RNLS: variants seen among roughly 807,000 people sequenced by gnomAD.
RNLS encodes the protein renalase, FAD dependent amine oxidase.
RNLS carries 39 observed loss-of-function variants against 39.8 expected under a neutral mutation model. That is an observed-to-expected ratio of 0.98 (90% CI 0.76 to 1.28). The LOEUF (loss-of-function observed/expected upper bound fraction) is 1.28. RNLS is among the 50% of genes most tolerant of loss of function. The pLI is 0.00. For missense variants in RNLS, 410 were observed against 413.3 expected, an observed-to-expected ratio of 0.99 and a Z score of 0.07; for synonymous variants, 147 against 150.7, an observed-to-expected ratio of 0.98 and a Z score of 0.18.
At chr10:88,409,683 TG>T (rs1249471025) in intron 4 of RNLS, among the ~76,000 whole-genome samples, 1 of 152,118 alleles carries the variant, frequency 6.6e-6, no homozygotes, top group Non-Finnish European at 1.5e-5. Context: ...TAAACATACA[TG>T]GTGGTGAGTA....
chr10:88,437,061 C>T (rs1359542852), intron 4 of RNLS, among the ~76,000 whole-genome samples: 3 of 152,206 alleles, frequency 2.0e-5, no homozygotes, highest in African/African-American at 7.2e-5. Flanking sequence ...TACTAAACAA[C>T]TTCATGAACA....
At chr10:88,553,419 T>C (rs1271879643) in intron 4 of RNLS, among the ~76,000 whole-genome samples, 3 of 152,132 alleles carry the variant, frequency 2.0e-5, no homozygotes, top group Non-Finnish European at 4.4e-5. Context: ...TTGGCCTCAA[T>C]AGAAGGTTGA....
chr10:88,177,028 T>G, the RNLS span, among the ~76,000 whole-genome samples: 1 of 152,246 alleles, frequency 6.6e-6, no homozygotes, highest in Non-Finnish European at 1.5e-5. Flanking sequence ...CATCTTCATC[T>G]TTTGACACCT....
intron 5 of RNLS, among the ~76,000 whole-genome samples, chr10:88,362,179 C>G (rs1261271379): frequency 6.6e-6 from 1 of 151,660 alleles, no homozygotes; most frequent in Non-Finnish European, 1.5e-5. Context: ...CAGCACTTAT[C>G]AAATTAAAAA....
intron 4 of RNLS, among the ~76,000 whole-genome samples, chr10:88,497,950 A>C (rs1012383352): frequency 6.6e-6 from 1 of 152,072 alleles, no homozygotes; most frequent in Non-Finnish European, 1.5e-5. Context: ...AGAGAAAAAA[A>C]AAAACCCAAA....
the RNLS span, among the ~76,000 whole-genome samples, chr10:88,194,238 GT>G: frequency 3.9e-5 from 6 of 152,198 alleles, no homozygotes; most frequent in African/African-American, 1.4e-4. Context: ...ATGACAGGAT[GT>G]TTAGCAGCAA....
chr10:88,341,160 C>T (rs78202423), intron 5 of RNLS, among the ~76,000 whole-genome samples: 21,700 of 148,904 alleles, frequency 0.15, 1,741 homozygotes, highest in East Asian at 0.36. Context: ...AGAAACTCTG[C>T]CTCTACTAAA....
At chr10:88,208,661 T>A in the RNLS span, among the ~76,000 whole-genome samples, 6 of 152,102 alleles carry the variant, frequency 3.9e-5, no homozygotes, top group African/African-American at 1.4e-4. Context: ...CTGGGGACCA[T>A]CCTTGACTTT....
chr10:88,342,519 T>C (rs537396290), intron 5 of RNLS, among the ~76,000 whole-genome samples: 13 of 152,296 alleles, frequency 8.5e-5, no homozygotes, highest in African/African-American at 3.1e-4. Flanking sequence ...TTAAGCTATG[T>C]GCCAGGTGCT....
At chr10:88,338,460 C>A (rs1280369666) in intron 5 of RNLS, among the ~76,000 whole-genome samples, 2 of 152,200 alleles carry the variant, frequency 1.3e-5, no homozygotes, top group Non-Finnish European at 2.9e-5. Flanking sequence ...CTGAAACGGA[C>A]AAGTGATTCA....
chr10:88,504,537 C>T (rs2134123380), intron 4 of RNLS, among the ~76,000 whole-genome samples: 1 of 151,738 alleles, frequency 6.6e-6, no homozygotes, highest in East Asian at 1.9e-4. Context: ...TTAACTTTGA[C>T]TATGGAAATA....
intron 5 of RNLS, among the ~76,000 whole-genome samples, chr10:88,354,865 T>C (rs1379157555): frequency 1.3e-5 from 2 of 152,350 alleles, no homozygotes; most frequent in Non-Finnish European, 1.5e-5. Context: ...CAGACGTAGA[T>C]TTGGTCTTTT....
At chr10:88,395,823 G>T (rs1852524466) in intron 4 of RNLS, among the ~76,000 whole-genome samples, 1 of 152,000 alleles carries the variant, frequency 6.6e-6, no homozygotes, top group South Asian at 2.1e-4. Flanking sequence ...CAAAGACAAA[G>T]AGAATCTTGA....
At chr10:88,344,919 T>C (rs1848207544) in intron 5 of RNLS, among the ~76,000 whole-genome samples, 1 of 152,146 alleles carries the variant, frequency 6.6e-6, no homozygotes. Flanking sequence ...ATTCATATTA[T>C]GCAGGGAATT....
chr10:88,470,991 A>G (rs1424504535), intron 4 of RNLS, among the ~76,000 whole-genome samples: 2 of 152,158 alleles, frequency 1.3e-5, no homozygotes, highest in Non-Finnish European at 1.5e-5. Context: ...ACCACTCTTC[A>G]TTAACACTGC....
chr10:88,236,803 T>C, the RNLS span, among the ~76,000 whole-genome samples: 3 of 152,196 alleles, frequency 2.0e-5, no homozygotes, highest in Non-Finnish European at 4.4e-5. Context: ...CAGAGTCTAC[T>C]GCAAGGAGTC....
At chr10:88,203,396 GTA>G in the RNLS span, among the ~76,000 whole-genome samples, 119 of 7,842 alleles carry the variant, frequency 0.015, 29 homozygotes, top group Non-Finnish European at 0.021. Context: ...ACACGTATGT[GTA>G]TATATATATA....
At chr10:88,344,020 T>G (rs143212769) in intron 5 of RNLS, among the ~76,000 whole-genome samples, 46 of 152,256 alleles carry the variant, frequency 3.0e-4, no homozygotes, top group Admixed American at 4.6e-4. Flanking sequence ...CCACCCCTTA[T>G]TATACATTGT....
chr10:88,389,479 G>T (rs1228292281), intron 4 of RNLS, among the ~76,000 whole-genome samples: 1 of 152,144 alleles, frequency 6.6e-6, no homozygotes, highest in Admixed American at 6.5e-5. Context: ...TAAAAGTCAC[G>T]ATGGAATAAA....
Sources: gnomAD v4.1 joint callset for allele counts (sites outside exome capture counted in the v4.1 genomes callset) on GRCh38, gnomAD v4.1.1 for gene constraint, MANE v1.5 for transcripts, NCBI Gene and HGNC (gene_info 2026-07-23, HGNC 2026-07-21) for gene names.